AGK: variants seen among roughly 807,000 people sequenced by gnomAD.
The protein encoded by AGK is acylglycerol kinase, mitochondrial.
A neutral mutation model predicts 66.4 loss-of-function variants in AGK; 52 were observed. The observed-to-expected ratio is 0.78, with a 90% CI of 0.63 to 0.99. The LOEUF (loss-of-function observed/expected upper bound fraction) is 0.99, where lower values mean the gene tolerates loss of function less well. Among genes scored for constraint, AGK ranks in the 50% least tolerant of loss-of-function variants. The pLI is 0.00. For synonymous variants in AGK, 182 were observed against 181.1 expected (o/e 1.00, Z -0.04); for missense variants, 451 against 506.6 (o/e 0.89, Z 1.05).
chr7:141,609,690 C>T lies in AGK; in HGVS notation c.298-1505C>T, dbSNP rs117346726. ...TGAGTTAACTCAATCTCAGGCCCCT[C>T]GCTCCTCCCTGGAGGTTAGGGGTGG... On this transcript the variant is annotated intron_variant, in intron 5 of 15. Transcript: ENST00000649286. Among the ~76,000 whole-genome samples the T allele has an allele frequency of 3.5e-4, 54 of 152,288 alleles. No individual in the cohort carries two copies. The East Asian group carries it at 6.8e-3, about 19-fold the overall frequency.
rs573580414 is a variant in AGK at position 141,651,555 on chromosome 7, C to T, written c.1077C>T (p.His359=). The T allele has an allele frequency of 1.2e-5, 20 of 1,614,204 alleles. No individual in the cohort carries two copies. The highest frequency in any genetic ancestry group is 1.1e-4 in the African/African-American group (8 of 75,050). Residue 359 remains histidine, a synonymous_variant, in exon 15 of 16, where the codon CAC becomes CAT. Coordinates refer to ENST00000649286, the MANE Select transcript of AGK (RefSeq NM_018238.4). ...GSRKVRNPKL[H]VEGTECLQAS... ...GAAAGGTGAGAAACCCCAAGCTGCA[C>T]GTGGAGGGCACGGAGTGTCTCCAAG...
intron 5 of AGK, among the ~76,000 whole-genome samples, chr7:141,608,257 C>T (rs1002508366): frequency 6.6e-6 from 1 of 152,138 alleles, no homozygotes; most frequent in Admixed American, 6.5e-5. Flanking sequence ...TTACTTATTA[C>T]TATTAACTCC....
Position 141,641,944 on chromosome 7 carries a change from C to T in AGK, c.975+36C>T, listed in dbSNP as rs369882665. 1.1e-5 allele frequency: 17 copies of T among 1,521,066 alleles called. No individual in the cohort carries two copies. In the African/African-American group the frequency reaches 1.7e-4, roughly 15 times the overall value. 94.2% of individuals were successfully genotyped at this position (1,521,066 alleles called of 1,614,324 possible). A position where few individuals can be genotyped will look rare whatever the true frequency, so the allele number is the denominator to read the frequency against. ...TTTTTTATTAGAAAAGCATTTGGTA[C>T]CTAAGAAAAGTGACAATAGCTATAG... On this transcript the variant is annotated intron_variant, in intron 13 of 15. Coordinates refer to ENST00000649286, the MANE Select transcript of AGK (RefSeq NM_018238.4).
chr7:141,599,603 T>A (rs968835605), intron 4 of AGK, among the ~76,000 whole-genome samples: 2 of 152,184 alleles, frequency 1.3e-5, no homozygotes, highest in Non-Finnish European at 2.9e-5. Flanking sequence ...ATATGGCAGA[T>A]TGAGACTTCT....
At chr7:141,560,313 C>G (rs1022067113) in intron 2 of AGK, among the ~76,000 whole-genome samples, 6 of 149,616 alleles carry the variant, frequency 4.0e-5, no homozygotes, top group Non-Finnish European at 5.9e-5. Context: ...TTTCACAGAA[C>G]AGTGCTCACA....
At chr7:141,602,479 A>G (rs1185383172) in intron 5 of AGK, among the ~76,000 whole-genome samples, 1 of 152,094 alleles carries the variant, frequency 6.6e-6, no homozygotes, top group Non-Finnish European at 1.5e-5. Context: ...AATTGACATC[A>G]GGTTGTTCAT....
intron 2 of AGK, among the ~76,000 whole-genome samples, chr7:141,571,803 T>G (rs929289456): frequency 2.0e-5 from 3 of 152,332 alleles, no homozygotes; most frequent in African/African-American, 7.2e-5. Context: ...CTGGAGATAA[T>G]AGTAGTACCC....
At chr7:141,568,578 T>G (rs528009412) in intron 2 of AGK, among the ~76,000 whole-genome samples, 2 of 151,298 alleles carry the variant, frequency 1.3e-5, no homozygotes, top group Non-Finnish European at 3.0e-5. Context: ...TTCTTTCTTT[T>G]TTTTTTTTTT....
chr7:141,581,239 A>G (rs1206840397), intron 2 of AGK, among the ~76,000 whole-genome samples: 1 of 151,954 alleles, frequency 6.6e-6, no homozygotes, highest in Non-Finnish European at 1.5e-5. Context: ...GATGGGTGTC[A>G]GGGTCAGTCC....
intron 3 of AGK, chr7:141,593,512 C>T (rs1237839895): frequency 1.6e-6 from 1 of 630,984 alleles, no homozygotes; most frequent in Admixed American, 2.5e-5. Context: ...CCTGAATCAT[C>T]CCTGATCTGA....
At chr7:141,554,507 T>G (rs1198172052) in intron 1 of AGK, among the ~76,000 whole-genome samples, 1 of 152,184 alleles carries the variant, frequency 6.6e-6, no homozygotes, top group Non-Finnish European at 1.5e-5. Flanking sequence ...GTAAAAATTT[T>G]GGGTAAAAAA....
At chr7:141,621,912 C>T (rs1796833942) in intron 9 of AGK, 111 bp downstream of exon 9, 1 of 727,816 alleles carries the variant, frequency 1.4e-6, no homozygotes, top group Non-Finnish European at 2.3e-6. Flanking sequence ...ACAATAGTTG[C>T]TCTTCCATTC....
intron 2 of AGK, among the ~76,000 whole-genome samples, chr7:141,579,973 C>G (rs530095433): frequency 6.6e-6 from 1 of 152,054 alleles, no homozygotes; most frequent in African/African-American, 2.4e-5. Flanking sequence ...ACCTTATCAG[C>G]ATAAGTGTTG....
chr7:141,620,689 C>G (rs1796805104), intron 8 of AGK, among the ~76,000 whole-genome samples: 1 of 152,144 alleles, frequency 6.6e-6, no homozygotes, highest in Admixed American at 6.5e-5. Flanking sequence ...CTACTGGGAT[C>G]CAGTCATAAG....
intron 2 of AGK, among the ~76,000 whole-genome samples, chr7:141,576,263 A>G (rs58274656): frequency 0.05 from 7,668 of 152,172 alleles, 340 homozygotes; most frequent in South Asian, 0.15. Flanking sequence ...GGTGTGATTC[A>G]TGGATGGAGC....
At chr7:141,639,549 G>A (rs990121279) in intron 11 of AGK, among the ~76,000 whole-genome samples, 2 of 152,126 alleles carry the variant, frequency 1.3e-5, no homozygotes, top group African/African-American at 4.8e-5. Context: ...ATACAGAAGA[G>A]GAGTAAAGGG....
chr7:141,575,325 T>G (rs978037869), intron 2 of AGK, among the ~76,000 whole-genome samples: 1 of 152,218 alleles, frequency 6.6e-6, no homozygotes, highest in Non-Finnish European at 1.5e-5. Context: ...CCAGGCCAGA[T>G]GCTTTTACAG....
At chr7:141,636,593 C>T (rs1273702884) in intron 10 of AGK, among the ~76,000 whole-genome samples, 1 of 152,046 alleles carries the variant, frequency 6.6e-6, no homozygotes, top group African/African-American at 2.4e-5. Context: ...CATTTTATAT[C>T]CGGGACTTGA....
intron 9 of AGK, among the ~76,000 whole-genome samples, chr7:141,622,290 C>T (rs987795329): frequency 2.0e-5 from 3 of 152,070 alleles, no homozygotes; most frequent in African/African-American, 7.2e-5. Flanking sequence ...CACTTTTAGA[C>T]CTTATCTTTG....
Sources: allele counts gnomAD v4.1 joint callset (sites outside exome capture counted in the v4.1 genomes callset), GRCh38; gene constraint gnomAD v4.1.1; transcripts MANE v1.5; gene names NCBI Gene and HGNC (gene_info 2026-07-23, HGNC 2026-07-21).